KIR2DL1: variants seen among roughly 807,000 people sequenced by gnomAD.
The protein encoded by KIR2DL1 is killer cell immunoglobulin like receptor, two Ig domains and long cytoplasmic tail 1, also known as killer cell immunoglobulin-like receptor 2DL1.
Under a neutral mutation model 33.9 loss-of-function variants are expected in KIR2DL1, and 38 were observed. The ratio of observed to expected loss-of-function variants is 1.12; its 90% CI spans 0.86 to 1.47. The LOEUF (loss-of-function observed/expected upper bound fraction) is 1.47, where lower values mean the gene tolerates loss of function less well. KIR2DL1 is among the 40% of genes most tolerant of loss of function. The pLI, the probability that KIR2DL1 is intolerant of heterozygous loss-of-function variation, is 0.00. For synonymous variants in KIR2DL1, 179 were observed against 165.9 expected, an observed-to-expected ratio of 1.08 and a Z score of -0.61; for missense variants, 531 against 433.9, an observed-to-expected ratio of 1.22 and a Z score of -1.99.
At chr19:54,770,089 A>G (rs1163606771) in intron 1 of KIR2DL1, among the ~76,000 whole-genome samples, 2 of 134,650 alleles carry the variant, frequency 1.5e-5, no homozygotes, top group Admixed American at 7.7e-5. Flanking sequence ...AGGTGGAGTG[A>G]TGGGACTGTA....
At chr19:54,782,013 G>A (rs1454118007) in intron 5 of KIR2DL1, among the ~76,000 whole-genome samples, 1 of 152,008 alleles carries the variant, frequency 6.6e-6, no homozygotes, top group East Asian at 1.9e-4. Context: ...ACATAGGCAG[G>A]TTCATTACTA....
intron 4 of KIR2DL1, among the ~76,000 whole-genome samples, chr19:54,776,537 A>AT (rs1481652480): frequency 2.7e-5 from 4 of 147,170 alleles, no homozygotes; most frequent in African/African-American, 9.9e-5. Context: ...ACAGTGCTGC[A>AT]CCAATCATAC....
At chr19:54,783,403 C>T in intron 6 of KIR2DL1, 83 bp from the exon 7 acceptor site, 3 of 1,504,278 alleles carry the variant, frequency 2.0e-6, no homozygotes, top group Non-Finnish European at 2.8e-6. Flanking sequence ...CCTATGGTCT[C>T]CCCCTGTATG....
chr19:54,779,194 C>G (rs1318861855), intron 5 of KIR2DL1, among the ~76,000 whole-genome samples: 1 of 147,618 alleles, frequency 6.8e-6, no homozygotes, highest in African/African-American at 2.5e-5. Context: ...AGTGTGGAAC[C>G]TTTTCCTATT....
rs28465191 is a variant in KIR2DL1, at chr19:54,775,370, C to G, written c.576C>G (p.His192Gln). The G allele has an allele frequency of 6.6e-7, 1 of 1,519,588 alleles. No individual in the cohort carries two copies. Among genetic ancestry groups the G allele is most frequent in the Non-Finnish European group, 9.0e-7 (1 of 1,115,728 alleles). The allele number at this position is 1,519,588 out of a possible 1,614,324, so 94.1% of individuals were successfully genotyped here. Reference protein sequence around the residue: ...QADFPLGPATHGGTYRCFGSF... With the variant: ...QADFPLGPATQGGTYRCFGSF... ...ACTTTCCTCTGGGCCCTGCCACCCA[C>G]GGAGGGACCTACAGATGCTTCGGCT... is the stretch of plus-strand genomic sequence containing the variant. Residue 192 changes from histidine (H) to glutamine (Q), a missense_variant, in exon 4 of 8, where the codon CAC (histidine) becomes CAG (glutamine). His to Gln is a conservative substitution (Grantham distance 24). Coordinates refer to ENST00000336077, the MANE Select transcript of KIR2DL1 (RefSeq NM_014218.3).
intron 3 of KIR2DL1, 114 bp from the exon 4 acceptor site, chr19:54,775,051 A>G: frequency 2.7e-6 from 3 of 1,121,520 alleles, no homozygotes; most frequent in Non-Finnish European, 3.7e-6. Flanking sequence ...AGAGGGTGAG[A>G]GAGAGAGAGA....
At chr19:54,770,965 G>C in intron 2 of KIR2DL1, 81 bp downstream of exon 2, 1 of 1,539,034 alleles carries the variant, frequency 6.5e-7, no homozygotes, top group South Asian at 1.1e-5. Flanking sequence ...TCCTGTCAGG[G>C]AGTCTCTCAT....
At position 54,775,378 on chromosome 19, in the gene KIR2DL1, C is replaced by A. The variant is rs147689136; in HGVS notation, c.584C>A (p.Thr195Asn). 129 of 1,583,788 alleles carry A rather than the reference C, an allele frequency of 8.1e-5. 9 individuals carry two copies. In the African/African-American group the frequency reaches 1.3e-3, roughly 16 times the overall value. ...CTGGGCCCTGCCACCCACGGAGGGA[C>A]CTACAGATGCTTCGGCTCTTTCCAT... ...FPLGPATHGG[T>N]YRCFGSFHDS... Residue 195 changes from threonine (T) to asparagine (N), a missense_variant, in exon 4 of 8, where the codon ACC (threonine) becomes AAC (asparagine). Coordinates refer to ENST00000336077, the MANE Select transcript of KIR2DL1 (RefSeq NM_014218.3).
At position 54,783,720 on chromosome 19, in the gene KIR2DL1, T is replaced by C. The variant is rs1014156469; in HGVS notation, c.954T>C (p.Pro318=). The stretch of plus-strand genomic sequence containing the variant: ...TCACACAGAGAAAAATCACTCGCCC[T>C]TCTCAGAGGCCCAAGACACCCCCAA... ...CVFTQRKITR[P]SQRPKTPPTD... Residue 318 remains proline, a synonymous_variant, in exon 8 of 8, where the codon CCT becomes CCC. Coordinates refer to ENST00000336077, the MANE Select transcript of KIR2DL1 (RefSeq NM_014218.3). 1.2e-6 allele frequency: 2 copies of C among 1,613,880 alleles called. No individual in the cohort carries two copies. Among genetic ancestry groups the C allele is most frequent in the Non-Finnish European group, 8.5e-7 (1 of 1,179,954 alleles).
At position 54,774,512 on chromosome 19, in the gene KIR2DL1, G is replaced by A. The variant is rs1014018831; in HGVS notation, c.371-653G>A. Among the ~76,000 whole-genome samples, 5 of 148,130 alleles carry A rather than the reference G, an allele frequency of 3.4e-5. 1 individual carries two copies. ...GGCAGAGCAAGACAGATGATAGATG[G>A]ATAGATATAGATAGATGATAAATAG... On this transcript the variant is annotated intron_variant, in intron 3 of 7. Transcript: ENST00000336077.
Position 54,775,458 on chromosome 19 carries a change from G to A in KIR2DL1, c.664G>A (p.Gly222Arg), listed in dbSNP as rs2076221178. 1.3e-6 allele frequency: 2 copies of A among 1,583,010 alleles called. No individual in the cohort carries two copies. The highest frequency in any genetic ancestry group is 1.4e-5 in the African/African-American group (1 of 74,000). The change falls in exon 4 of 8, where the codon GGA becomes AGA. Residue 222 changes from glycine (G) to arginine (R), a missense_variant and splice_region_variant. Coordinates refer to ENST00000336077, the MANE Select transcript of KIR2DL1 (RefSeq NM_014218.3). ...TGACCCACTGCTTGTTTCTGTCACA[G>A]GTGAGGAAAGCCCATGGCTGTCCCA... The part of the protein sequence containing the change: ...SSDPLLVSVT[G>R]NPSNSWPSPT...
intron 2 of KIR2DL1, among the ~76,000 whole-genome samples, chr19:54,772,062 G>T (rs1408966572): frequency 4.9e-5 from 7 of 143,578 alleles, no homozygotes; most frequent in African/African-American, 1.5e-4. Context: ...ATTGTCCCCA[G>T]TGATGACTAC....
rs1261814278 is a variant in KIR2DL1, at chr19:54,771,568, G to T, written c.70+684G>T. The stretch of plus-strand genomic sequence containing the variant: ...TTCAGAGCACAGGGAGGGAGGGGCG[G>T]CTCCACATCCTCCTCTCTAAGGCGG... On this transcript the variant is annotated intron_variant, in intron 2 of 7. Transcript: ENST00000336077. Among the ~76,000 whole-genome samples, 2 of 147,288 alleles carry T rather than the reference G, an allele frequency of 1.4e-5. 1 individual carries two copies. The highest frequency in any genetic ancestry group is 3.0e-5 in the Non-Finnish European group (2 of 65,886).
intron 5 of KIR2DL1, 145 bp downstream of exon 5, chr19:54,778,807 A>C (rs1209696012): frequency 9.1e-7 from 1 of 1,102,346 alleles, no homozygotes; most frequent in African/African-American, 1.6e-5. Context: ...CCTACAGCGA[A>C]AGGGATCTGG....
intron 1 of KIR2DL1, among the ~76,000 whole-genome samples, chr19:54,770,417 CGGGCCTGGGTGTGGAGATAT>C (rs1311764950): frequency 1.7e-5 from 2 of 115,878 alleles, no homozygotes; most frequent in African/African-American, 3.4e-5. Flanking sequence ...GATGGAGATA[CGGGCCTGGGTGTGGAGATAT>C]GGGACTGGAG....
rs1054077603 is a variant in KIR2DL1, at chr19:54,773,901, G to C, written c.370+269G>C. ...GACACACAGACAGACATGTCCCAGA[G>C]AGAGGTGTCCCTCCATGCTGACTTT... On this transcript the variant is annotated intron_variant, in intron 3 of 7. Coordinates refer to ENST00000336077, the MANE Select transcript of KIR2DL1 (RefSeq NM_014218.3). Among the ~76,000 whole-genome samples, 7 of 148,688 alleles carry C rather than the reference G, an allele frequency of 4.7e-5. No individual in the cohort carries two copies. The East Asian group carries it at 5.8e-4, about 12-fold the overall frequency.
chr19:54,782,903 G>C lies in KIR2DL1; in HGVS notation c.716-19G>C, dbSNP rs752229332. 1 of 1,607,386 alleles carries C rather than the reference G, an allele frequency of 6.2e-7. No individual in the cohort carries two copies. On this transcript the variant is annotated intron_variant, in intron 5 of 7. Coordinates refer to ENST00000336077, the MANE Select transcript of KIR2DL1 (RefSeq NM_014218.3). Reference sequence around the variant, plus strand: ...AACTGCTAAGATTAGCTTCTTATTGGTGTCTCATCTTCTTCCAGGTAACCC... The same window carrying C: ...AACTGCTAAGATTAGCTTCTTATTGCTGTCTCATCTTCTTCCAGGTAACCC...
intron 4 of KIR2DL1, among the ~76,000 whole-genome samples, chr19:54,775,689 G>C (rs1206155413): frequency 6.7e-6 from 1 of 148,506 alleles, no homozygotes; most frequent in Non-Finnish European, 1.5e-5. Context: ...TGGAGAAAGC[G>C]GTCAGGAGAG....
chr19:54,784,093 A>T lies in KIR2DL1; in HGVS notation c.*280A>T, dbSNP rs1569265783. 1 of 574,066 alleles carries T rather than the reference A, an allele frequency of 1.7e-6. No individual in the cohort carries two copies. The highest frequency in any genetic ancestry group is 3.1e-5 in the Admixed American group (1 of 32,512). The allele number at this position is 574,066 out of a possible 1,614,324, so 35.6% of individuals were successfully genotyped here. A position where few individuals can be genotyped will look rare whatever the true frequency, so the allele number is the denominator to read the frequency against. ...CCCACCTCTCCAACCTAACTGGCTT[A>T]CTTCCTAGTCTACTTGAGGCTGCAA... On this transcript the variant is annotated 3_prime_UTR_variant, in exon 8 of 8. Transcript: ENST00000336077.
Sources: gnomAD v4.1 joint callset for allele counts (sites outside exome capture counted in the v4.1 genomes callset) on GRCh38, gnomAD v4.1.1 for gene constraint, MANE v1.5 for transcripts, NCBI Gene and HGNC (gene_info 2026-07-23, HGNC 2026-07-21) for gene names.